Variants in RLIM observed in about 807,000 individuals in gnomAD.
RLIM encodes the protein E3 ubiquitin-protein ligase RLIM.
Under a neutral mutation model 34.0 loss-of-function variants are expected in RLIM, and 2 were observed. The ratio of observed to expected loss-of-function variants is 0.06; its 90% CI spans 0.02 to 0.19. The LOEUF (loss-of-function observed/expected upper bound fraction) is 0.19. Among genes scored for constraint, RLIM ranks in the 10% least tolerant of loss-of-function variants. The pLI is 1.00. For missense variants in RLIM, 286 were observed against 479.7 expected, an observed-to-expected ratio of 0.60 and a Z score of 3.77; for synonymous variants, 169 against 164.0, an observed-to-expected ratio of 1.03 and a Z score of -0.23.
intron 1 of RLIM, among the ~76,000 whole-genome samples, chrX:74,598,105 A>C (rs942044443): frequency 8.9e-6 from 1 of 112,287 alleles, no homozygotes; most frequent in East Asian, 2.8e-4. Context: ...TGTTTTATAT[A>C]CTTCATGTCC....
intron 1 of RLIM, among the ~76,000 whole-genome samples, chrX:74,600,217 A>G (rs2079655466): frequency 9.0e-6 from 1 of 110,814 alleles, no homozygotes; most frequent in Non-Finnish European, 1.9e-5. Flanking sequence ...TGGTTACTTT[A>G]TAATACTTGA....
intron 1 of RLIM, among the ~76,000 whole-genome samples, chrX:74,600,762 A>G (rs1448996076): frequency 9.2e-6 from 1 of 108,483 alleles, no homozygotes; most frequent in African/African-American, 3.4e-5. Context: ...CTGTAATCCC[A>G]GCACTCTGGG....
Position 74,592,214 on chromosome X carries a change from A to G in RLIM, c.1101T>C (p.Phe367=). The G allele has an allele frequency of 8.3e-7, 1 of 1,212,011 alleles. No individual in the cohort carries two copies. The highest frequency in any genetic ancestry group is 1.1e-6 in the Non-Finnish European group (1 of 895,589). ...TCACACCTGCCCGCTCAGAACGTGA[A>G]AATGTACGCCTAAAACCTCCTCGTT... is the stretch of plus-strand genomic sequence containing the variant. ...ESERGGFRRT[F]SRSERAGVRT... is the part of the protein sequence containing the mutation. The change falls in exon 4 of 4, where the codon TTT becomes TTC. Residue 367 remains phenylalanine (F), a synonymous_variant. Transcript: ENST00000332687.
intron 1 of RLIM, among the ~76,000 whole-genome samples, chrX:74,596,506 CA>C (rs2079640678): frequency 8.9e-6 from 1 of 112,164 alleles, no homozygotes; most frequent in Admixed American, 9.4e-5. Flanking sequence ...CTCAGCCTCC[CA>C]AAGTGCTGGG....
rs1313782000 is a variant in RLIM at position 74,583,133 on chromosome X, A to T, written c.*8307T>A. ...TGGCACTGTTAACTGCTTTCTGGGC[A>T]GTCTCTTTAGCTTGGTGGGCTTGTA... On this transcript the variant is annotated 3_prime_UTR_variant, in exon 4 of 4. Transcript: ENST00000332687. The T allele has an allele frequency of 8.4e-7, 1 of 1,195,763 alleles. No individual in the cohort carries two copies. Among genetic ancestry groups the T allele is most frequent in the Non-Finnish European group, 1.1e-6 (1 of 880,559 alleles).
intron 1 of RLIM, among the ~76,000 whole-genome samples, chrX:74,602,875 A>C (rs1489879814): frequency 9.0e-6 from 1 of 111,422 alleles, no homozygotes; most frequent in African/African-American, 3.3e-5. Context: ...ATATTTAGAG[A>C]GGAATAACAT....
At chrX:74,609,209 C>T (rs910701501) in intron 1 of RLIM, among the ~76,000 whole-genome samples, 2 of 110,557 alleles carry the variant, frequency 1.8e-5, no homozygotes, top group East Asian at 2.8e-4. Context: ...ATCACTTAGC[C>T]GGGTGCGGTG....
At chrX:74,594,494 C>A in intron 2 of RLIM, 105 bp from the exon 3 acceptor site, 1 of 536,654 alleles carries the variant, frequency 1.9e-6, no homozygotes, top group Non-Finnish European at 2.8e-6. Context: ...GAAAAAAAAT[C>A]ATATTTTTAA....
Position 74,583,001 on chromosome X carries a change from A to T in RLIM, c.*8439T>A. ...TTCAGTTTCCTTCTTTTATATTTTG[A>T]TATTTTTTTCCATATTTAAGTTTTT... On this transcript the variant is annotated 3_prime_UTR_variant, in exon 4 of 4. Coordinates refer to ENST00000332687, the MANE Select transcript of RLIM (RefSeq NM_016120.4). The T allele has an allele frequency of 1.9e-6, 1 of 528,460 alleles. No individual in the cohort carries two copies. Among genetic ancestry groups the T allele is most frequent in the South Asian group, 2.8e-5 (1 of 35,672 alleles). The allele number at this position is 528,460 out of a possible 1,213,427, so 43.6% of individuals were successfully genotyped here. A position where few individuals can be genotyped will look rare whatever the true frequency, so the allele number is the denominator to read the frequency against.
At chrX:74,603,036 C>A (rs2079667715) in intron 1 of RLIM, among the ~76,000 whole-genome samples, 1 of 109,311 alleles carries the variant, frequency 9.1e-6, no homozygotes, top group South Asian at 4.0e-4. Flanking sequence ...CTTCCTGTCT[C>A]CTGAGATAAT....
At chrX:74,596,257 G>T (rs1239909337) in intron 1 of RLIM, among the ~76,000 whole-genome samples, 7 of 112,094 alleles carry the variant, frequency 6.2e-5, no homozygotes, top group Non-Finnish European at 1.1e-4. Flanking sequence ...GGTATTTTTT[G>T]TTTTTTGAGA....
At chrX:74,614,171 GCCA>G (rs1352124040) in intron 1 of RLIM, among the ~76,000 whole-genome samples, 2 of 94,898 alleles carry the variant, frequency 2.1e-5, no homozygotes, top group East Asian at 7.0e-4. Context: ...AGCTCGCGCG[GCCA>G]CCGAGAGGAA....
At position 74,593,911 on chromosome X, in the gene RLIM, G is replaced by A. The variant is rs1408505709; in HGVS notation, c.253+395C>T. 2.0e-4 allele frequency among the ~76,000 whole-genome samples: 22 copies of A among 112,571 alleles called. No individual in the cohort carries two copies. In the Admixed American group the frequency reaches 2.1e-3, roughly 11 times the overall value. Reference sequence around the variant, plus strand: ...GCCCTCTACACAAATGTCTCCAGACGTTGCTAATGTCCCACATGGGGCAAA... The same window carrying A: ...GCCCTCTACACAAATGTCTCCAGACATTGCTAATGTCCCACATGGGGCAAA... On this transcript the variant is annotated intron_variant, in intron 3 of 3. Transcript: ENST00000332687.
intron 1 of RLIM, among the ~76,000 whole-genome samples, chrX:74,597,342 G>T (rs955173873): frequency 1.8e-5 from 2 of 111,877 alleles, no homozygotes; most frequent in African/African-American, 6.5e-5. Flanking sequence ...TGAAAAATAA[G>T]GTAAATGATG....
chrX:74,591,112 T>C lies in RLIM; in HGVS notation c.*328A>G. ...GTGTGGGAAAATTTAAAGATCAACA[T>C]GAAAAAGGAGCCATTGCTAAGGCAG... On this transcript the variant is annotated 3_prime_UTR_variant, in exon 4 of 4. Coordinates refer to ENST00000332687, the MANE Select transcript of RLIM (RefSeq NM_016120.4). 4.7e-6 allele frequency: 1 copy of C among 213,335 alleles called. No homozygotes were observed. The allele number at this position is 213,335 out of a possible 1,213,427, so 17.6% of individuals were successfully genotyped here.
chrX:74,596,773 C>T (rs779102310), intron 1 of RLIM, among the ~76,000 whole-genome samples: 3 of 111,301 alleles, frequency 2.7e-5, no homozygotes, highest in South Asian at 3.7e-4. Flanking sequence ...CTTTGGACTG[C>T]TGCTCTGTGC....
In RLIM at chrX:74,589,869, C is replaced by T. The variant is rs1024829143; in HGVS notation, c.*1571G>A. On this transcript the variant is annotated 3_prime_UTR_variant, in exon 4 of 4. Transcript: ENST00000332687. ...GAAGACTGGGGTTATCATGAAGTTA[C>T]TCTTACTACTAAGAAACCAACATAA... 8.9e-6 allele frequency: 1 copy of T among 112,240 alleles called. No individual in the cohort carries two copies. The highest frequency in any genetic ancestry group is 1.9e-5 in the Non-Finnish European group (1 of 53,239). The allele number at this position is 112,240 out of a possible 1,213,427, so 9.2% of individuals were successfully genotyped here. A position where few individuals can be genotyped will look rare whatever the true frequency, so the allele number is the denominator to read the frequency against.
At chrX:74,611,067 T>C (rs2079708697) in intron 1 of RLIM, among the ~76,000 whole-genome samples, 1 of 111,785 alleles carries the variant, frequency 8.9e-6, no homozygotes, top group Non-Finnish European at 1.9e-5. Context: ...CTTCAATTTA[T>C]TATGTAAACT....
chrX:74,611,972 G>C (rs1284949591), intron 1 of RLIM, among the ~76,000 whole-genome samples: 1 of 111,970 alleles, frequency 8.9e-6, no homozygotes, highest in African/African-American at 3.2e-5. Flanking sequence ...ATCCCAGTTT[G>C]TCGGGGACAA....
Sources: gnomAD v4.1 joint callset for allele counts (sites outside exome capture counted in the v4.1 genomes callset) on GRCh38, gnomAD v4.1.1 for gene constraint, MANE v1.5 for transcripts, NCBI Gene and HGNC (gene_info 2026-07-23, HGNC 2026-07-21) for gene names.